The following FBP1 variants were observed in gnomAD, a reference collection of about 807,000 sequenced individuals.
FBP1 encodes the protein fructose-bisphosphatase 1, also known as fructose-1,6-bisphosphatase 1.
In FBP1, 22 loss-of-function variants were observed where a neutral mutation model predicts 29.9. The observed-to-expected ratio is 0.74, with a 90% CI of 0.53 to 1.05. FBP1 has a LOEUF of 1.05. Ranked by LOEUF, FBP1 falls within the 50% of genes least tolerant of loss-of-function variation. FBP1 has a pLI of 0.00. For synonymous variants in FBP1, 175 were observed against 178.6 expected (o/e 0.98, Z 0.16); for missense variants, 345 against 448.2 (o/e 0.77, Z 2.08).
chr9:94,629,713 A>C (rs1481881695), intron 1 of FBP1, among the ~76,000 whole-genome samples: 1 of 152,094 alleles, frequency 6.6e-6, no homozygotes, highest in African/African-American at 2.4e-5. Context: ...GCCCTCAGGC[A>C]TGGAAGCATG....
At chr9:94,626,153 C>T (rs1828023850) in intron 1 of FBP1, among the ~76,000 whole-genome samples, 1 of 152,336 alleles carries the variant, frequency 6.6e-6, no homozygotes, top group East Asian at 1.9e-4. Context: ...TCCAGCTATC[C>T]TCCAGTTGTC....
chr9:94,620,572 T>C, intron 1 of FBP1, 81 bp from the exon 2 acceptor site: 1 of 1,369,528 alleles, frequency 7.3e-7, no homozygotes, highest in Non-Finnish European at 1.0e-6. Flanking sequence ...CAAAAGTGAG[T>C]GTTCGGTAAG....
In FBP1 at chr9:94,603,489, C is replaced by T. The variant is rs1303435688; in HGVS notation, c.909G>A (p.Val303=). Residue 303 remains valine, a synonymous_variant, in exon 7 of 7, where the codon GTG becomes GTA. Coordinates refer to ENST00000375326, the MANE Select transcript of FBP1 (RefSeq NM_000507.4). ...GGMATTGKEA[V]LDVIPTDIHQ... ...GAATGTCTGTGGGAATGACGTCTAA[C>T]ACGGCCTCCTTCCCAGTGGTGGCCA... is the stretch of plus-strand genomic sequence containing the variant. The T allele has an allele frequency of 3.7e-6, 6 of 1,613,984 alleles. No homozygotes were observed. The highest frequency in any genetic ancestry group is 4.2e-6 in the Non-Finnish European group (5 of 1,179,972).
upstream of FBP1, chr9:94,639,540 C>A (rs2131509724): frequency 3.3e-6 from 2 of 608,736 alleles, no homozygotes; most frequent in East Asian, 2.8e-5. Flanking sequence ...GCGGGTGAAT[C>A]GCGGAAACCT....
chr9:94,615,837 T>C (rs575834602), intron 3 of FBP1, among the ~76,000 whole-genome samples: 1 of 151,946 alleles, frequency 6.6e-6, no homozygotes, highest in South Asian at 2.1e-4. Context: ...GTTCTTTTTT[T>C]TTTTTTTTGA....
At chr9:94,622,710 T>C (rs1171281693) in intron 1 of FBP1, among the ~76,000 whole-genome samples, 1 of 152,160 alleles carries the variant, frequency 6.6e-6, no homozygotes, top group Non-Finnish European at 1.5e-5. Context: ...CACTCCTATT[T>C]CATGAGTAAA....
chr9:94,614,605 G>T (rs1215064657), intron 3 of FBP1, among the ~76,000 whole-genome samples: 1 of 152,148 alleles, frequency 6.6e-6, no homozygotes, highest in Non-Finnish European at 1.5e-5. Flanking sequence ...CATGCAACAT[G>T]ACCACACATC....
intron 1 of FBP1, among the ~76,000 whole-genome samples, chr9:94,638,816 G>A (rs1828237125): frequency 6.6e-6 from 1 of 152,130 alleles, no homozygotes; most frequent in South Asian, 2.1e-4. Context: ...CAGGCCAGGT[G>A]CCCACACTTG....
At chr9:94,638,351 C>G (rs1463263440) in intron 1 of FBP1, among the ~76,000 whole-genome samples, 1 of 152,204 alleles carries the variant, frequency 6.6e-6, no homozygotes, top group Non-Finnish European at 1.5e-5. Context: ...ACCAAGATCC[C>G]CAAATGATTC....
intron 3 of FBP1, among the ~76,000 whole-genome samples, chr9:94,614,061 A>C (rs1311094346): frequency 6.6e-6 from 1 of 151,076 alleles, no homozygotes; most frequent in Non-Finnish European, 1.5e-5. Flanking sequence ...AGCCTGGGCG[A>C]CACAGGAGAC....
chr9:94,639,297 G>T lies in FBP1; in HGVS notation c.14C>A (p.Ala5Glu), dbSNP rs759615686. The stretch of plus-strand genomic sequence containing the variant: ...GGTGTTGACGTCCGTGTCGAAGGGC[G>T]CCTGGTCAGCCATGCTTGAACCGGG... MADQ[A>E]PFDTDVNTLT... is the part of the protein sequence containing the mutation. Residue 5 changes from alanine (A) to glutamate (E), a missense_variant, in exon 1 of 7, where the codon GCG (alanine) becomes GAG (glutamate). Transcript: ENST00000375326. 5.0e-5 allele frequency: 81 copies of T among 1,607,190 alleles called. No homozygotes were observed. The highest frequency in any genetic ancestry group is 6.2e-5 in the Non-Finnish European group (73 of 1,177,012).
At chr9:94,626,691 G>T (rs778323802) in intron 1 of FBP1, among the ~76,000 whole-genome samples, 12 of 152,162 alleles carry the variant, frequency 7.9e-5, no homozygotes, top group Non-Finnish European at 1.8e-4. Flanking sequence ...ACAAGCTCAA[G>T]GACTTAATTA....
At chr9:94,619,993 G>A (rs986018352) in intron 2 of FBP1, among the ~76,000 whole-genome samples, 3 of 151,912 alleles carry the variant, frequency 2.0e-5, no homozygotes, top group Non-Finnish European at 4.4e-5. Context: ...CAGTGTGAAG[G>A]TCAGGAATTT....
intron 1 of FBP1, among the ~76,000 whole-genome samples, chr9:94,628,217 C>T (rs1228005972): frequency 1.3e-5 from 2 of 152,090 alleles, no homozygotes. Context: ...CAAAGCCCAC[C>T]TCTACTAAAA....
At chr9:94,625,674 G>A (rs200875276) in intron 1 of FBP1, among the ~76,000 whole-genome samples, 2 of 152,182 alleles carry the variant, frequency 1.3e-5, no homozygotes, top group African/African-American at 2.4e-5. Context: ...AGGCGCCTGT[G>A]GTCCCAGCTA....
At chr9:94,632,983 C>T (rs1361214010) in intron 1 of FBP1, among the ~76,000 whole-genome samples, 1 of 152,230 alleles carries the variant, frequency 6.6e-6, no homozygotes, top group African/African-American at 2.4e-5. Flanking sequence ...AACAGACAGG[C>T]AAAACAGCCT....
At chr9:94,633,997 C>T (rs1263719679) in intron 1 of FBP1, among the ~76,000 whole-genome samples, 5 of 150,686 alleles carry the variant, frequency 3.3e-5, no homozygotes, top group African/African-American at 7.3e-5. Flanking sequence ...TGAGCCACCG[C>T]GAAAGCATCT....
At chr9:94,618,515 CA>C in intron 2 of FBP1, among the ~76,000 whole-genome samples, 1 of 147,680 alleles carries the variant, frequency 6.8e-6, no homozygotes, top group Non-Finnish European at 1.5e-5. Flanking sequence ...CATGATGCTG[CA>C]CATCTGTAGT....
At position 94,617,676 on chromosome 9, in the gene FBP1, C is replaced by T. The variant is rs28369711; in HGVS notation, c.426+92G>A. On this transcript the variant is annotated intron_variant, in intron 3 of 6. Coordinates refer to ENST00000375326, the MANE Select transcript of FBP1 (RefSeq NM_000507.4). ...CTTCAGTCTCACAGTTTCATGATCT[C>T]CACTCCGGCTGCTCTGCCACAGTGA... 7.9e-3 allele frequency: 6,430 copies of T among 813,804 alleles called. 251 individuals carry two copies. The African/African-American group carries it at 0.084, about 11-fold the overall frequency. The allele number at this position is 813,804 out of a possible 1,614,324, so 50.4% of individuals were successfully genotyped here.
Sources: allele counts gnomAD v4.1 joint callset (sites outside exome capture counted in the v4.1 genomes callset), GRCh38; gene constraint gnomAD v4.1.1; transcripts MANE v1.5; gene names NCBI Gene and HGNC (gene_info 2026-07-23, HGNC 2026-07-21).